Variants in SNX4 observed in about 807,000 individuals in gnomAD.
The protein encoded by SNX4 is sorting nexin 4.
In SNX4, 49 loss-of-function variants were observed where a neutral mutation model predicts 70.8. The observed-to-expected ratio is 0.69, with a 90% CI of 0.55 to 0.88. The LOEUF is 0.88. Ranked by LOEUF, SNX4 falls within the 40% of genes least tolerant of loss-of-function variation. The pLI, the probability that SNX4 is intolerant of heterozygous loss-of-function variation, is 0.00. For missense variants in SNX4, 528 were observed against 544.8 expected, an observed-to-expected ratio of 0.97 and a Z score of 0.31; for synonymous variants, 206 against 183.8, an observed-to-expected ratio of 1.12 and a Z score of -0.98.
chr3:125,468,278 A>C (rs1934081691), intron 9 of SNX4, among the ~76,000 whole-genome samples: 1 of 152,204 alleles, frequency 6.6e-6, no homozygotes, highest in South Asian at 2.1e-4. Flanking sequence ...AGAATCGAAA[A>C]ACCACCTCTC....
rs189848910 is a variant in SNX4 at position 125,463,423 on chromosome 3, A to C, written c.855-2563T>G. 2.0e-5 allele frequency among the ~76,000 whole-genome samples: 3 copies of C among 152,034 alleles called. No individual in the cohort carries two copies. In the East Asian group the frequency reaches 5.8e-4, roughly 30 times the overall value. Reference sequence around the variant, plus strand: ...GAAACTGGAACATCCTAGGGTGGGGAAGTATAAATGATAAAGATTTTTAGA... The same window carrying C: ...GAAACTGGAACATCCTAGGGTGGGGCAGTATAAATGATAAAGATTTTTAGA... On this transcript the variant is annotated intron_variant, in intron 9 of 13. Transcript: ENST00000251775.
At position 125,463,934 on chromosome 3, in the gene SNX4, C is replaced by T. The variant is rs557988452; in HGVS notation, c.855-3074G>A. ...TTTTTAAAAAATAGTAAAGGCCTGG[C>T]GGGGTGGCTCATGCTTGTAATCCCA... On this transcript the variant is annotated intron_variant, in intron 9 of 13. Coordinates refer to ENST00000251775, the MANE Select transcript of SNX4 (RefSeq NM_003794.4). Among the ~76,000 whole-genome samples the T allele has an allele frequency of 1.8e-4, 28 of 152,092 alleles. No homozygotes were observed. The East Asian group carries it at 5.2e-3, about 28-fold the overall frequency.
chr3:125,500,477 A>G (rs1034143676), intron 2 of SNX4, among the ~76,000 whole-genome samples: 5 of 152,094 alleles, frequency 3.3e-5, no homozygotes, highest in Non-Finnish European at 7.3e-5. Flanking sequence ...GAATAGGCAC[A>G]TATCAAAAAT....
Position 125,452,913 on chromosome 3 carries a change from G to A in SNX4, c.1190+897C>T, listed in dbSNP as rs114092270. On this transcript the variant is annotated intron_variant, in intron 12 of 13. Coordinates refer to ENST00000251775, the MANE Select transcript of SNX4 (RefSeq NM_003794.4). ...ATTACAGGCATGAGCTACCGCGCCC[G>A]GCCTGTCTTTTTTAATTCTATCTAT... Among the ~76,000 whole-genome samples the A allele has an allele frequency of 5.7e-3, 873 of 152,168 alleles. 8 individuals carry two copies. Among genetic ancestry groups the A allele is most frequent in the African/African-American group, 0.019 (794 of 41,526 alleles).
chr3:125,451,423 A>T lies in SNX4; in HGVS notation c.1191-4T>A, dbSNP rs746647254. The stretch of plus-strand genomic sequence containing the variant: ...CCATGCGTTTTTCACAAATTCTCTG[A>T]AATAAAAGGTATAGCCATTATTATT... On this transcript the variant is annotated splice_polypyrimidine_tract_variant and splice_region_variant and intron_variant, in intron 12 of 13. Transcript: ENST00000251775. 3.8e-5 allele frequency: 61 copies of T among 1,589,550 alleles called. No homozygotes were observed. The highest frequency in any genetic ancestry group is 5.0e-5 in the Non-Finnish European group (58 of 1,158,332).
chr3:125,513,286 C>T (rs1020194510), intron 1 of SNX4, among the ~76,000 whole-genome samples: 1 of 152,192 alleles, frequency 6.6e-6, no homozygotes, highest in Non-Finnish European at 1.5e-5. Flanking sequence ...TCACCAGTCA[C>T]TGAATCTGCC....
intron 5 of SNX4, among the ~76,000 whole-genome samples, chr3:125,490,591 A>G (rs1211239595): frequency 6.6e-6 from 1 of 151,876 alleles, no homozygotes; most frequent in Admixed American, 6.6e-5. Flanking sequence ...AACAAGCTAG[A>G]TTACAGCAAT....
chr3:125,495,248 C>CTT lies in SNX4; in HGVS notation c.597+2091_597+2092dup, dbSNP rs1553727771. Among the ~76,000 whole-genome samples the CTT allele has an allele frequency of 3.4e-3, 50 of 14,898 alleles. 1 individual carries two copies. The South Asian group carries it at 0.042, about 13-fold the overall frequency. 9.8% of individuals were successfully genotyped at this position (14,898 alleles called of 152,430 possible). A position where few individuals can be genotyped will look rare whatever the true frequency, so the allele number is the denominator to read the frequency against. ...GTGAAATGTGATACACTCATTCTCT[C>CTT]TTTATATATATATATATATATATAT... is the stretch of plus-strand genomic sequence containing the variant. On this transcript the variant is annotated intron_variant, in intron 5 of 13. Coordinates refer to ENST00000251775, the MANE Select transcript of SNX4 (RefSeq NM_003794.4).
chr3:125,492,107 CAAAAAAA>C (rs60558490), intron 5 of SNX4, among the ~76,000 whole-genome samples: 20 of 47,408 alleles, frequency 4.2e-4, no homozygotes, highest in Non-Finnish European at 6.9e-4. Context: ...GACTCCATCT[CAAAAAAA>C]AAAAAAAAAA....
chr3:125,497,079 TA>T (rs869287911), intron 5 of SNX4, among the ~76,000 whole-genome samples: 2,257 of 123,968 alleles, frequency 0.018, 39 homozygotes, highest in African/African-American at 0.048. Context: ...AAACACTAAC[TA>T]AAAAAAAAAA....
chr3:125,460,052 G>A (rs559830883), intron 10 of SNX4, among the ~76,000 whole-genome samples: 1 of 151,870 alleles, frequency 6.6e-6, no homozygotes, highest in Admixed American at 6.6e-5. Flanking sequence ...AAATTAGCTG[G>A]GTGTGTTGGC....
chr3:125,507,948 A>G (rs1935086864), intron 1 of SNX4, among the ~76,000 whole-genome samples: 1 of 152,168 alleles, frequency 6.6e-6, no homozygotes. Flanking sequence ...ATGAAAATGA[A>G]ATTATAAAAA....
At chr3:125,477,251 T>A (rs2107543102) in intron 7 of SNX4, among the ~76,000 whole-genome samples, 1 of 152,292 alleles carries the variant, frequency 6.6e-6, no homozygotes, top group South Asian at 2.1e-4. Flanking sequence ...CGGATACATT[T>A]TCAATTCTAT....
chr3:125,467,103 A>G (rs1002013249), intron 9 of SNX4, among the ~76,000 whole-genome samples: 4 of 133,872 alleles, frequency 3.0e-5, no homozygotes, highest in East Asian at 2.3e-4. Flanking sequence ...AAAAAAAAAA[A>G]GGGCCAGGTG....
In SNX4 at chr3:125,497,882, T is replaced by C. The variant is rs199858042; in HGVS notation, c.501A>G (p.Ser167=). 7 of 1,614,122 alleles carry C rather than the reference T, an allele frequency of 4.3e-6. No individual in the cohort carries two copies. In the East Asian group the frequency reaches 8.9e-5, roughly 21 times the overall value. The stretch of plus-strand genomic sequence containing the variant: ...TTTTGTCTCTACAAAGGATGGGATG[T>C]GAAGCAATCCTCAAGAGAAAGTTTT... ...GLENFLLRIA[S]HPILCRDKIF... The change falls in exon 4 of 14, where the codon TCA becomes TCG. Residue 167 remains serine (S), a synonymous_variant. Coordinates refer to ENST00000251775, the MANE Select transcript of SNX4 (RefSeq NM_003794.4).
chr3:125,447,946 T>C (rs1933468187), intron 13 of SNX4, 120 bp from the exon 14 acceptor site: 2 of 591,768 alleles, frequency 3.4e-6, no homozygotes, highest in Non-Finnish European at 5.8e-6. Context: ...CGAGAAAATA[T>C]GACACTATTT....
intron 9 of SNX4, 152 bp from the exon 10 acceptor site, chr3:125,461,012 G>A (rs1221872605): frequency 2.9e-6 from 1 of 350,838 alleles, no homozygotes; most frequent in Non-Finnish European, 5.2e-6. Flanking sequence ...GATCACTTGA[G>A]GTCAGGAGTT....
intron 8 of SNX4, among the ~76,000 whole-genome samples, chr3:125,471,513 G>A (rs1271678325): frequency 6.6e-6 from 1 of 152,136 alleles, no homozygotes; most frequent in Non-Finnish European, 1.5e-5. Context: ...AAAGAAATGT[G>A]TCTATTTTCC....
chr3:125,486,380 GC>G (rs1934534225), intron 6 of SNX4, among the ~76,000 whole-genome samples: 1 of 150,246 alleles, frequency 6.7e-6, no homozygotes, highest in Admixed American at 6.6e-5. Flanking sequence ...TTTTTTTTCA[GC>G]CAAGAAAAAC....
Sources: gnomAD v4.1 joint callset for allele counts (sites outside exome capture counted in the v4.1 genomes callset) on GRCh38, gnomAD v4.1.1 for gene constraint, MANE v1.5 for transcripts, NCBI Gene and HGNC (gene_info 2026-07-23, HGNC 2026-07-21) for gene names.